Variants in PTBP2 observed in about 807,000 individuals in gnomAD.
The protein encoded by PTBP2 is polypyrimidine tract-binding protein 2.
PTBP2 carries 13 observed loss-of-function variants against 61.4 expected under a neutral mutation model. The observed-to-expected ratio is 0.21, with a 90% CI of 0.14 to 0.34. The LOEUF (loss-of-function observed/expected upper bound fraction) is 0.34, where lower values mean the gene tolerates loss of function less well. PTBP2 is among the 10% of genes least tolerant of loss of function. PTBP2 has a pLI of 1.00. For synonymous variants in PTBP2, 215 were observed against 218.5 expected, an observed-to-expected ratio of 0.98 and a Z score of 0.14; for missense variants, 405 against 642.6, an observed-to-expected ratio of 0.63 and a Z score of 4.00.
chr1:96,739,930 A>G (rs1284307683), intron 2 of PTBP2, among the ~76,000 whole-genome samples: 2 of 151,912 alleles, frequency 1.3e-5, no homozygotes, highest in African/African-American at 4.8e-5. Flanking sequence ...GGCCAATCTG[A>G]AACTTTTTGA....
chr1:96,793,547 A>G (rs1440585693), intron 8 of PTBP2, among the ~76,000 whole-genome samples: 1 of 151,692 alleles, frequency 6.6e-6, no homozygotes, highest in Non-Finnish European at 1.5e-5. Context: ...TTTTTTTTGT[A>G]GTTTTAGTAG....
chr1:96,762,004 C>T (rs1476753830), intron 3 of PTBP2, among the ~76,000 whole-genome samples: 1 of 151,104 alleles, frequency 6.6e-6, no homozygotes, highest in African/African-American at 2.4e-5. Context: ...GCCCTTAATC[C>T]ATTTAACCCT....
downstream of PTBP2, chr1:96,817,375 A>G (rs1267514512): frequency 5.4e-5 from 5 of 92,544 alleles, no homozygotes; most frequent in African/African-American, 2.7e-4. Flanking sequence ...AATTCAGCAG[A>G]AAGTCTTAAT....
chr1:96,813,551 C>T lies in PTBP2; in HGVS notation c.*146C>T. The T allele has an allele frequency of 1.4e-6, 1 of 738,436 alleles. No individual in the cohort carries two copies. Among genetic ancestry groups the T allele is most frequent in the Non-Finnish European group, 2.0e-6 (1 of 510,278 alleles). 45.7% of individuals were successfully genotyped at this position (738,436 alleles called of 1,614,324 possible). On this transcript the variant is annotated 3_prime_UTR_variant, in exon 14 of 14. Transcript: ENST00000674951. ...TTTTTTTTCCATGCTGTTATCATTC[C>T]TTGGTTATAAAATGAAATGGCATAT...
intron 8 of PTBP2, among the ~76,000 whole-genome samples, chr1:96,792,889 T>C (rs1337518031): frequency 1.3e-5 from 2 of 152,172 alleles, no homozygotes; most frequent in African/African-American, 4.8e-5. Context: ...AAAACTCATC[T>C]ACTGCAGACA....
chr1:96,795,590 C>T lies in PTBP2; in HGVS notation c.905-9210C>T, dbSNP rs141903144. 7.1e-3 allele frequency among the ~76,000 whole-genome samples: 1,088 copies of T among 152,214 alleles called. 8 individuals are homozygous for T. Among genetic ancestry groups the T allele is most frequent in the Non-Finnish European group, 9.0e-3 (611 of 68,000 alleles). On this transcript the variant is annotated intron_variant, in intron 8 of 13. Coordinates refer to ENST00000674951, the MANE Select transcript of PTBP2 (RefSeq NM_021190.4). ...ATATTTATGTTATAGATAAGATAAA[C>T]AAGAAATCTAGGGATCAAATAGGAT...
chr1:96,772,687 T>TGTCAAAC (rs1236625192), intron 5 of PTBP2, among the ~76,000 whole-genome samples: 1 of 152,236 alleles, frequency 6.6e-6, no homozygotes, highest in Non-Finnish European at 1.5e-5. Flanking sequence ...TTTCTTTGTT[T>TGTCAAAC]GACTTATTCA....
chr1:96,795,426 A>T (rs559283558), intron 8 of PTBP2, among the ~76,000 whole-genome samples: 1 of 152,350 alleles, frequency 6.6e-6, no homozygotes, highest in Non-Finnish European at 1.5e-5. Flanking sequence ...TAGGAAATTC[A>T]GCCTAAGACT....
intron 3 of PTBP2, among the ~76,000 whole-genome samples, chr1:96,767,564 T>A (rs1284636358): frequency 1.3e-5 from 2 of 152,174 alleles, no homozygotes; most frequent in Non-Finnish European, 2.9e-5. Context: ...GTTTCTGTAC[T>A]CAGACTGCTT....
At chr1:96,744,229 A>G (rs573690501) in intron 2 of PTBP2, among the ~76,000 whole-genome samples, 26 of 152,316 alleles carry the variant, frequency 1.7e-4, no homozygotes, top group African/African-American at 5.5e-4. Context: ...ATCTAAAAAC[A>G]AAACCATGTA....
chr1:96,731,447 T>G (rs1292734852), intron 2 of PTBP2, among the ~76,000 whole-genome samples: 2 of 152,178 alleles, frequency 1.3e-5, no homozygotes, highest in Non-Finnish European at 2.9e-5. Context: ...TCATTTTCTG[T>G]GAACTGCCTG....
chr1:96,747,366 T>G (rs183753641), intron 2 of PTBP2, among the ~76,000 whole-genome samples: 42 of 152,192 alleles, frequency 2.8e-4, no homozygotes, highest in African/African-American at 9.6e-4. Context: ...TATCAGTATT[T>G]TCTTTCATGT....
chr1:96,739,111 A>C (rs1363300621), intron 2 of PTBP2, among the ~76,000 whole-genome samples: 1 of 152,176 alleles, frequency 6.6e-6, no homozygotes, highest in Non-Finnish European at 1.5e-5. Context: ...AAAATAGAGT[A>C]GTTTTCTCCA....
intron 12 of PTBP2, 44 bp downstream of exon 12, chr1:96,812,972 A>T: frequency 1.9e-6 from 3 of 1,593,604 alleles, no homozygotes; most frequent in Non-Finnish European, 2.6e-6. Flanking sequence ...TTCTATTTTG[A>T]TAAAATATGA....
At chr1:96,792,702 T>C (rs1391003770) in intron 8 of PTBP2, among the ~76,000 whole-genome samples, 1 of 123,492 alleles carries the variant, frequency 8.1e-6, no homozygotes, top group East Asian at 2.6e-4. Flanking sequence ...ATGCATTGAT[T>C]CAAAATTGGG....
downstream of PTBP2, chr1:96,817,555 C>T (rs758589624): frequency 1.6e-4 from 25 of 151,976 alleles, no homozygotes; most frequent in Middle Eastern, 3.4e-3. Context: ...TTCAAATACG[C>T]GGAAAAATAA....
chr1:96,788,621 A>G (rs1194516182), intron 8 of PTBP2, among the ~76,000 whole-genome samples: 2 of 152,036 alleles, frequency 1.3e-5, no homozygotes, highest in South Asian at 2.1e-4. Context: ...GAAATAATTG[A>G]TAGAGTATTT....
At chr1:96,780,894 G>T (rs1658580084) in intron 7 of PTBP2, among the ~76,000 whole-genome samples, 2 of 152,034 alleles carry the variant, frequency 1.3e-5, no homozygotes, top group Non-Finnish European at 1.5e-5. Flanking sequence ...TAACAAGCCA[G>T]TAAACATGGT....
At chr1:96,729,641 G>A (rs1195793232) in intron 2 of PTBP2, among the ~76,000 whole-genome samples, 1 of 151,832 alleles carries the variant, frequency 6.6e-6, no homozygotes, top group East Asian at 1.9e-4. Context: ...TTCTTCTTGA[G>A]TGAACTTTGG....
Sources: allele counts gnomAD v4.1 joint callset (sites outside exome capture counted in the v4.1 genomes callset), GRCh38; gene constraint gnomAD v4.1.1; transcripts MANE v1.5; gene names NCBI Gene and HGNC (gene_info 2026-07-23, HGNC 2026-07-21).